Variants in CLIC5 observed in about 807,000 individuals in gnomAD.
CLIC5 encodes CLIC family member 5, also known as chloride intracellular channel protein 5.
CLIC5 carries 20 observed loss-of-function variants against 24.7 expected under a neutral mutation model. The ratio of observed to expected loss-of-function variants is 0.81; its 90% CI spans 0.57 to 1.18. CLIC5 has a LOEUF of 1.18. Among genes scored for constraint, CLIC5 ranks in the 50% most tolerant of loss-of-function variants. CLIC5 has a pLI of 0.00. For missense variants in CLIC5, 341 were observed against 326.1 expected (o/e 1.05, Z -0.35); for synonymous variants, 159 against 135.6 (o/e 1.17, Z -1.20).
rs115477983 is a variant in CLIC5, at chr6:46,013,571, C to T, written c.63+1909G>A. The stretch of plus-strand genomic sequence containing the variant: ...AGGCCTGCCTGGCTCTCATTGATTT[C>T]CTTTAGGGAAAAAACAAATGACAAC... On this transcript the variant is annotated intron_variant, in intron 1 of 5. Coordinates refer to ENST00000339561, the MANE Select transcript of CLIC5 (RefSeq NM_016929.5). Among the ~76,000 whole-genome samples the T allele has an allele frequency of 8.8e-3, 1,336 of 152,236 alleles. 15 individuals are homozygous for T. The highest frequency in any genetic ancestry group is 0.03 in the African/African-American group (1,242 of 41,534).
chr6:45,972,494 T>G (rs1408806908), intron 1 of CLIC5, among the ~76,000 whole-genome samples: 1 of 152,182 alleles, frequency 6.6e-6, no homozygotes, highest in Non-Finnish European at 1.5e-5. Context: ...TTTTTATCTC[T>G]CCCCTGGAAC....
At chr6:46,110,643 G>C in the CLIC5 span, among the ~76,000 whole-genome samples, 1 of 152,122 alleles carries the variant, frequency 6.6e-6, no homozygotes, top group African/African-American at 2.4e-5. Flanking sequence ...GAGGTAGGTA[G>C]GTAGGTAAAG....
intron 1 of CLIC5, among the ~76,000 whole-genome samples, chr6:46,026,673 A>C (rs1385990459): frequency 6.6e-6 from 1 of 152,140 alleles, no homozygotes; most frequent in Admixed American, 6.5e-5. Flanking sequence ...CTTCCTGGGC[A>C]GCTGTTCTGT....
rs549898818 is a variant in CLIC5 at position 45,898,666 on chromosome 6, G to A, written c.*4422C>T. ...GAAAATCAAGTAACTATCATTTGGA[G>A]TGTCTTTGTAAAATGAAACACTTGT... On this transcript the variant is annotated 3_prime_UTR_variant, in exon 6 of 6. Coordinates refer to ENST00000339561, the MANE Select transcript of CLIC5 (RefSeq NM_016929.5). 6.5e-6 allele frequency: 1 copy of A among 152,746 alleles called. No individual in the cohort carries two copies. Among genetic ancestry groups the A allele is most frequent in the Admixed American group, 6.5e-5 (1 of 15,304 alleles). 9.5% of individuals were successfully genotyped at this position (152,746 alleles called of 1,614,324 possible).
chr6:45,921,580 G>C lies in CLIC5; in HGVS notation c.407-7171C>G, dbSNP rs188370455. Among the ~76,000 whole-genome samples, 44 of 151,856 alleles carry C rather than the reference G, an allele frequency of 2.9e-4. 1 individual carries two copies. In the East Asian group the frequency reaches 6.4e-3, roughly 22 times the overall value. The stretch of plus-strand genomic sequence containing the variant: ...GCTATAGAACTTGGGTTTATGAGAG[G>C]ATGAAGGGGAAGAAGACACCGAGAG... On this transcript the variant is annotated intron_variant, in intron 4 of 5. Coordinates refer to ENST00000339561, the MANE Select transcript of CLIC5 (RefSeq NM_016929.5).
At chr6:46,116,272 C>G in the CLIC5 span, among the ~76,000 whole-genome samples, 3 of 152,056 alleles carry the variant, frequency 2.0e-5, no homozygotes, top group Non-Finnish European at 2.9e-5. Context: ...TTAGTTTGTG[C>G]CTTGATCGGT....
downstream of CLIC5, among the ~76,000 whole-genome samples, chr6:45,894,187 T>C (rs1762374997): frequency 6.6e-6 from 1 of 152,202 alleles, no homozygotes; most frequent in Admixed American, 6.5e-5. Context: ...AATTGAAAAA[T>C]AATGCATCTC....
At chr6:45,895,017 TA>T (rs537084098), downstream of CLIC5, among the ~76,000 whole-genome samples, 12 of 151,172 alleles carry the variant, frequency 7.9e-5, no homozygotes, top group African/African-American at 1.9e-4. Context: ...CTCTTTTTGT[TA>T]AAAAAAAAGT....
chr6:46,110,485 A>G, the CLIC5 span, among the ~76,000 whole-genome samples: 1 of 152,230 alleles, frequency 6.6e-6, no homozygotes, highest in African/African-American at 2.4e-5. Flanking sequence ...CTTTTGTAAC[A>G]GAATGTGATT....
At chr6:45,965,738 AAT>A (rs1764995785) in intron 1 of CLIC5, among the ~76,000 whole-genome samples, 1 of 152,226 alleles carries the variant, frequency 6.6e-6, no homozygotes. Context: ...TAATACAGGA[AAT>A]ATGTTTTCCA....
At chr6:46,122,182 A>G in the CLIC5 span, among the ~76,000 whole-genome samples, 3 of 152,230 alleles carry the variant, frequency 2.0e-5, no homozygotes, top group Non-Finnish European at 4.4e-5. Flanking sequence ...AGTTGGAAGG[A>G]AAGCACTCCT....
At chr6:45,930,633 T>G (rs1259232987) in intron 4 of CLIC5, among the ~76,000 whole-genome samples, 1 of 152,196 alleles carries the variant, frequency 6.6e-6, no homozygotes. Flanking sequence ...CAGCACATGC[T>G]TCCTCATTAC....
At chr6:46,002,930 T>C (rs1715316266) in intron 1 of CLIC5, among the ~76,000 whole-genome samples, 1 of 152,226 alleles carries the variant, frequency 6.6e-6, no homozygotes, top group Admixed American at 6.5e-5. Context: ...GGAAAATGCC[T>C]TCTGATTTAG....
At chr6:46,001,823 AAT>A (rs958666691) in intron 1 of CLIC5, among the ~76,000 whole-genome samples, 2 of 152,198 alleles carry the variant, frequency 1.3e-5, no homozygotes, top group African/African-American at 4.8e-5. Context: ...AAACAATCAC[AAT>A]ATATCTAAAG....
At chr6:45,925,504 A>G (rs1233812790) in intron 4 of CLIC5, among the ~76,000 whole-genome samples, 2 of 152,046 alleles carry the variant, frequency 1.3e-5, no homozygotes, top group African/African-American at 2.4e-5. Context: ...TTTAGTAGAG[A>G]CTGGGTTTCA....
chr6:45,884,338 C>T (rs115112600), intron 6 of CLIC5, among the ~76,000 whole-genome samples: 3,142 of 152,190 alleles, frequency 0.021, 112 homozygotes, highest in African/African-American at 0.071. Context: ...GGAATGTAGA[C>T]ACAAGAGTGG....
rs1159650203 is a variant in CLIC5 at position 45,957,159 on chromosome 6, C to CTGG, written c.64-1918_64-1916dup. On this transcript the variant is annotated intron_variant, in intron 1 of 5. Transcript: ENST00000339561. ...TCCATATACTGTTATCTGTTTTCCT[C>CTGG]TGGTGGTGGTGGTGGGAGGATAAGG... Among the ~76,000 whole-genome samples the CTGG allele has an allele frequency of 7.9e-5, 12 of 152,174 alleles. No homozygotes were observed. The East Asian group carries it at 2.1e-3, about 27-fold the overall frequency.
At chr6:45,941,854 G>A (rs1764143330) in intron 3 of CLIC5, among the ~76,000 whole-genome samples, 1 of 152,134 alleles carries the variant, frequency 6.6e-6, no homozygotes, top group African/African-American at 2.4e-5. Context: ...GGCCAGTGAG[G>A]TGCTGAGATC....
chr6:46,017,620 C>T (rs1330555995), upstream of CLIC5, among the ~76,000 whole-genome samples: 1 of 152,150 alleles, frequency 6.6e-6, no homozygotes, highest in Admixed American at 6.6e-5. Flanking sequence ...ACGGTCTTAA[C>T]AGAGATCAAA....
Sources: allele counts gnomAD v4.1 joint callset (sites outside exome capture counted in the v4.1 genomes callset), GRCh38; gene constraint gnomAD v4.1.1; transcripts MANE v1.5; gene names NCBI Gene and HGNC (gene_info 2026-07-23, HGNC 2026-07-21).